Variants in WWOX observed in about 807,000 individuals in gnomAD.
WWOX encodes the protein WW domain-containing oxidoreductase.
A neutral mutation model predicts 46.2 loss-of-function variants in WWOX; 69 were observed. That is an observed-to-expected ratio of 1.49 (90% CI 1.23 to 1.82). The LOEUF (loss-of-function observed/expected upper bound fraction) is 1.82, where lower values mean the gene tolerates loss of function less well. Among genes scored for constraint, WWOX ranks in the 40% most tolerant of loss-of-function variants. WWOX has a pLI of 0.00. For synonymous variants in WWOX, 359 were observed against 202.6 expected (o/e 1.77, Z -6.56); for missense variants, 919 against 542.6 (o/e 1.69, Z -6.89).
chr16:78,420,352 A>C (rs1433324863), intron 6 of WWOX, among the ~76,000 whole-genome samples: 3 of 152,206 alleles, frequency 2.0e-5, no homozygotes, highest in Non-Finnish European at 4.4e-5. Context: ...ATAGCCAATA[A>C]ATGGAAACAA....
chr16:78,625,773 G>T (rs1199142524), intron 8 of WWOX, among the ~76,000 whole-genome samples: 1 of 127,202 alleles, frequency 7.9e-6, no homozygotes, highest in African/African-American at 3.1e-5. Flanking sequence ...TACTTTTGCA[G>T]TTTTTGCCAG....
chr16:78,254,499 C>CGTTTTT (rs2038071950), intron 5 of WWOX, among the ~76,000 whole-genome samples: 2 of 52,138 alleles, frequency 3.8e-5, no homozygotes, highest in African/African-American at 2.4e-4. Flanking sequence ...TCTTTTCTTT[C>CGTTTTT]TTGTTTTTTT....
intron 8 of WWOX, among the ~76,000 whole-genome samples, chr16:78,561,028 ACAT>A (rs1462172799): frequency 6.6e-6 from 1 of 152,154 alleles, no homozygotes; most frequent in Non-Finnish European, 1.5e-5. Flanking sequence ...CGCTGGAGGA[ACAT>A]CCTTTCCTGC....
At chr16:78,853,484 C>T (rs996143119) in intron 8 of WWOX, among the ~76,000 whole-genome samples, 1 of 152,090 alleles carries the variant, frequency 6.6e-6, no homozygotes, top group African/African-American at 2.4e-5. Context: ...TCATCAAAAT[C>T]CAGAAATCCA....
At chr16:79,143,115 T>G (rs954625288) in intron 8 of WWOX, among the ~76,000 whole-genome samples, 5 of 152,196 alleles carry the variant, frequency 3.3e-5, no homozygotes, top group African/African-American at 1.2e-4. Context: ...AAAAAAAGTT[T>G]AAGGGACTGT....
chr16:78,100,485 C>T (rs1209025408), intron 1 of WWOX, among the ~76,000 whole-genome samples: 2 of 152,188 alleles, frequency 1.3e-5, no homozygotes, highest in Admixed American at 6.5e-5. Flanking sequence ...AACTACTGGG[C>T]TCAAGCAGGC....
chr16:78,100,016 T>A lies in WWOX; in HGVS notation c.107+131T>A, dbSNP rs1401849918. The stretch of plus-strand genomic sequence containing the variant: ...AAAGTGAAAGTAACTGTTAAGGAGC[T>A]TCAGGGAAAAGGGTCCAGGGTTCCC... On this transcript the variant is annotated intron_variant, in intron 1 of 8. Transcript: ENST00000566780. 2.0e-6 allele frequency: 3 copies of A among 1,473,320 alleles called. No homozygotes were observed. The African/African-American group carries it at 4.4e-5, about 22-fold the overall frequency. The allele number at this position is 1,473,320 out of a possible 1,614,324, so 91.3% of individuals were successfully genotyped here.
chr16:78,724,533 C>T (rs1178071427), intron 8 of WWOX, among the ~76,000 whole-genome samples: 1 of 152,164 alleles, frequency 6.6e-6, no homozygotes, highest in Non-Finnish European at 1.5e-5. Flanking sequence ...GACATTATTA[C>T]AGTCCATTAT....
chr16:78,706,525 T>C (rs1319345760), intron 8 of WWOX, among the ~76,000 whole-genome samples: 3 of 152,308 alleles, frequency 2.0e-5, no homozygotes, highest in South Asian at 4.1e-4. Flanking sequence ...TTATATTCTT[T>C]CATTCGTCAA....
intron 8 of WWOX, among the ~76,000 whole-genome samples, chr16:79,194,630 G>A (rs1161571343): frequency 6.6e-6 from 1 of 152,128 alleles, no homozygotes; most frequent in Non-Finnish European, 1.5e-5. Context: ...TCAGTTCCCA[G>A]GCTCCCCTTG....
intron 8 of WWOX, among the ~76,000 whole-genome samples, chr16:78,601,801 A>G (rs1204708946): frequency 2.0e-5 from 3 of 152,188 alleles, no homozygotes; most frequent in African/African-American, 7.2e-5. Context: ...TCTCTGCGGA[A>G]GAGTAGGGAA....
intron 8 of WWOX, among the ~76,000 whole-genome samples, chr16:78,834,096 G>T (rs559000687): frequency 1.3e-5 from 2 of 152,208 alleles, no homozygotes; most frequent in African/African-American, 2.4e-5. Flanking sequence ...GCTGTCGAAC[G>T]TCTGGAACTG....
chr16:78,478,590 A>G (rs1360636980), intron 8 of WWOX, among the ~76,000 whole-genome samples: 1 of 152,128 alleles, frequency 6.6e-6, no homozygotes, highest in East Asian at 1.9e-4. Flanking sequence ...CCCCACCCCA[A>G]GGAAAGCCTT....
intron 8 of WWOX, among the ~76,000 whole-genome samples, chr16:78,824,791 A>G (rs1408409537): frequency 6.6e-6 from 1 of 152,186 alleles, no homozygotes; most frequent in Non-Finnish European, 1.5e-5. Context: ...ACATGTGGGA[A>G]TTCTGGGAGA....
intron 8 of WWOX, among the ~76,000 whole-genome samples, chr16:79,084,862 C>T (rs1272451010): frequency 6.6e-6 from 1 of 152,172 alleles, no homozygotes; most frequent in Non-Finnish European, 1.5e-5. Flanking sequence ...TTCATTTGTA[C>T]ATATATGTAT....
intron 8 of WWOX, among the ~76,000 whole-genome samples, chr16:79,157,837 C>A (rs767386151): frequency 1.3e-5 from 2 of 152,092 alleles, no homozygotes; most frequent in Admixed American, 6.6e-5. Context: ...GAGGACTGAA[C>A]GAGGCAGGGT....
intron 8 of WWOX, among the ~76,000 whole-genome samples, chr16:78,766,293 C>A (rs1004672560): frequency 6.6e-6 from 1 of 152,140 alleles, no homozygotes. Context: ...GTGTCGCTAG[C>A]CTTATTAAAA....
chr16:78,127,516 G>GAA (rs35507203), intron 4 of WWOX, among the ~76,000 whole-genome samples: 21,236 of 122,156 alleles, frequency 0.17, 1,723 homozygotes, highest in East Asian at 0.25. Context: ...ATAATCAACG[G>GAA]AAAAAAAAAA....
intron 8 of WWOX, among the ~76,000 whole-genome samples, chr16:78,992,726 G>A (rs4888004): frequency 0.98 from 149,238 of 152,140 alleles, 73,278 homozygotes; most frequent in East Asian, 1. Context: ...CTGGAAGGTA[G>A]CAAGAGGAAA....
Sources: gnomAD v4.1 joint callset for allele counts (sites outside exome capture counted in the v4.1 genomes callset) on GRCh38, gnomAD v4.1.1 for gene constraint, MANE v1.5 for transcripts, NCBI Gene and HGNC (gene_info 2026-07-23, HGNC 2026-07-21) for gene names.